Variants in SPTA1 observed in about 807,000 individuals in gnomAD.
SPTA1 encodes spectrin alpha chain, erythrocytic 1.
A neutral mutation model predicts 324.7 loss-of-function variants in SPTA1; 177 were observed. The observed-to-expected ratio is 0.55, with a 90% CI of 0.48 to 0.62. The LOEUF is 0.62. SPTA1 is among the 20% of genes least tolerant of loss of function. The pLI is 0.00. For synonymous variants in SPTA1, 1,195 were observed against 1,041.3 expected (o/e 1.15, Z -2.84); for missense variants, 3,162 against 2,883.6 (o/e 1.10, Z -2.21).
intron 1 of SPTA1, among the ~76,000 whole-genome samples, chr1:158,686,011 T>C (rs1450692207): frequency 2.0e-5 from 3 of 152,206 alleles, no homozygotes; most frequent in African/African-American, 7.2e-5. Flanking sequence ...TTTCCCAGAG[T>C]GGGAGCCAAC....
Position 158,662,807 on chromosome 1 carries a change from T to C in SPTA1, c.2359A>G (p.Lys787Glu), listed in dbSNP as rs375728433. 5 of 1,613,916 alleles carry C rather than the reference T, an allele frequency of 3.1e-6. No homozygotes were observed. In the African/African-American group the frequency reaches 5.3e-5, roughly 17 times the overall value. Residue 787 changes from lysine (K) to glutamate (E), a missense_variant, in exon 17 of 52, where the codon AAG becomes GAG. Physicochemically the swap from Lys to Glu is moderately conservative, Grantham distance 56 (BLOSUM62 1). Coordinates refer to ENST00000643759, the MANE Select transcript of SPTA1 (RefSeq NM_003126.4). Reference sequence around the variant, plus strand: ...AGATGGAGAAGGTCTAAGAGCTTCTTCTTTCGGGTGGCCAGTGGCTCTTTC... The same window carrying C: ...AGATGGAGAAGGTCTAAGAGCTTCTCCTTTCGGGTGGCCAGTGGCTCTTTC... ...ALKEPLATRK[K>E]KLLDLLHLQL...
chr1:158,643,544 G>T (rs951059641), intron 30 of SPTA1, 119 bp from the exon 31 acceptor site: 6 of 980,414 alleles, frequency 6.1e-6, no homozygotes, highest in Admixed American at 2.0e-5. Context: ...ATATACTCAG[G>T]GTCAAATAAT....
At position 158,652,514 on chromosome 1, in the gene SPTA1, G is replaced by A. The variant is rs763708770; in HGVS notation, c.3328C>T (p.Leu1110=). Reference sequence around the variant, plus strand: ...TTCTGCAGCTCCCAAACATCATCTAGTTCCACTCCAGTGTTTTCTGCCTTT... The same window carrying A: ...TTCTGCAGCTCCCAAACATCATCTAATTCCACTCCAGTGTTTTCTGCCTTT... The part of the protein sequence containing the change: ...EKKAENTGVE[L]DDVWELQKKF... Residue 1110 remains leucine, a synonymous_variant, in exon 23 of 52, where the codon CTA becomes TTA. Coordinates refer to ENST00000643759, the MANE Select transcript of SPTA1 (RefSeq NM_003126.4). 16 of 1,614,000 alleles carry A rather than the reference G, an allele frequency of 9.9e-6. No homozygotes were observed. The highest frequency in any genetic ancestry group is 2.2e-5 in the South Asian group (2 of 91,084).
Position 158,645,331 on chromosome 1 carries a change from A to G in SPTA1, c.4051T>C (p.Phe1351Leu). 2 of 1,614,042 alleles carry G rather than the reference A, an allele frequency of 1.2e-6. No homozygotes were observed. The change falls in exon 29 of 52, where the codon TTC (phenylalanine) becomes CTC (leucine). Residue 1351 changes from phenylalanine (F) to leucine (L), a missense_variant. Coordinates refer to ENST00000643759, the MANE Select transcript of SPTA1 (RefSeq NM_003126.4). ...EAPTFQALED[F>L]SAELIDSGHH... Reference sequence around the variant, plus strand: ...CCACTGTCGATAAGTTCTGCACTGAAGTCCTCTAAGGCCTGGAAGGTGGGA... The same window carrying G: ...CCACTGTCGATAAGTTCTGCACTGAGGTCCTCTAAGGCCTGGAAGGTGGGA...
At chr1:158,681,730 A>C in intron 3 of SPTA1, 63 bp from the exon 4 acceptor site, 1 of 1,607,922 alleles carries the variant, frequency 6.2e-7, no homozygotes, top group Non-Finnish European at 8.5e-7. Flanking sequence ...ACACTCAGAG[A>C]CTTGTGCAGA....
intron 45 of SPTA1, 41 bp downstream of exon 45, chr1:158,619,181 G>T (rs1444796652): frequency 6.4e-7 from 1 of 1,555,070 alleles, no homozygotes; most frequent in Non-Finnish European, 8.9e-7. Flanking sequence ...GGCAAATGGT[G>T]GTGGCACAGG....
chr1:158,672,124 A>C lies in SPTA1; in HGVS notation c.1423T>G (p.Cys475Gly). The C allele has an allele frequency of 6.2e-7, 1 of 1,614,112 alleles. No individual in the cohort carries two copies. The highest frequency in any genetic ancestry group is 8.5e-7 in the Non-Finnish European group (1 of 1,179,986). ...CTGTAGAAGAGATGAAAGTCCAAGCACTGCTCATACTGACGATGACGCTCG... is the reference window on the plus strand; with the variant it reads ...CTGTAGAAGAGATGAAAGTCCAAGCCCTGCTCATACTGACGATGACGCTCG... ...WDERHRQYEQ[C>G]LDFHLFYRDS... The change falls in exon 11 of 52, where the codon TGC becomes GGC. Residue 475 changes from cysteine (C) to glycine (G), a missense_variant. By Grantham distance (159) the Cys-to-Gly change is radical. Transcript: ENST00000643759.
At chr1:158,653,244 C>T in intron 22 of SPTA1, 30 bp downstream of exon 22, 4 of 1,613,970 alleles carry the variant, frequency 2.5e-6, no homozygotes, top group Non-Finnish European at 3.4e-6. Context: ...TGACCAAATA[C>T]TGTTCAGTTC....
At chr1:158,673,157 A>G (rs1405978269) in intron 10 of SPTA1, among the ~76,000 whole-genome samples, 3 of 152,092 alleles carry the variant, frequency 2.0e-5, no homozygotes, top group African/African-American at 7.2e-5. Flanking sequence ...TCAGAATCCC[A>G]GGATAACTGT....
In SPTA1 at chr1:158,610,998, C is replaced by A; in HGVS notation, c.*266G>T. The A allele has an allele frequency of 1.0e-5, 4 of 384,530 alleles. No homozygotes were observed. Among genetic ancestry groups the A allele is most frequent in the Non-Finnish European group, 1.4e-5 (3 of 208,530 alleles). The allele number at this position is 384,530 out of a possible 1,614,324, so 23.8% of individuals were successfully genotyped here. A position where few individuals can be genotyped will look rare whatever the true frequency, so the allele number is the denominator to read the frequency against. The stretch of plus-strand genomic sequence containing the variant: ...AAAACAGAACAAATAAAAATAGAAA[C>A]TTTGACACCCCTCAGCAGTGACTAG... On this transcript the variant is annotated 3_prime_UTR_variant, in exon 52 of 52. Coordinates refer to ENST00000643759, the MANE Select transcript of SPTA1 (RefSeq NM_003126.4).
chr1:158,685,006 T>C (rs1035043604), intron 2 of SPTA1, 102 bp downstream of exon 2: 2 of 1,384,996 alleles, frequency 1.4e-6, no homozygotes, highest in Admixed American at 1.7e-5. Flanking sequence ...CGGAATCTAA[T>C]TGTACCCACA....
In SPTA1 at chr1:158,634,685, G is replaced by C. The variant is rs1450802716; in HGVS notation, c.5433-10C>G. The C allele has an allele frequency of 6.2e-7, 1 of 1,613,924 alleles. No homozygotes were observed. The highest frequency in any genetic ancestry group is 2.2e-5 in the East Asian group (1 of 44,850). ...TTCCAACTTAAGTCCTCTATAACAA[G>C]GTGGCAAGCCCCAGTGAGGATAAGA... On this transcript the variant is annotated splice_polypyrimidine_tract_variant and intron_variant, in intron 38 of 51. Coordinates refer to ENST00000643759, the MANE Select transcript of SPTA1 (RefSeq NM_003126.4).
At chr1:158,676,725 T>C (rs1179528785) in intron 7 of SPTA1, among the ~76,000 whole-genome samples, 1 of 152,130 alleles carries the variant, frequency 6.6e-6, no homozygotes, top group Middle Eastern at 3.2e-3. Flanking sequence ...GACATTTCTG[T>C]CCACAAGGCC....
In SPTA1 at chr1:158,611,166, C is replaced by T. The variant is rs568682203; in HGVS notation, c.*98G>A. The T allele has an allele frequency of 6.1e-5, 84 of 1,387,598 alleles. No homozygotes were observed. The Middle Eastern group carries it at 1.1e-3, about 19-fold the overall frequency. The allele number at this position is 1,387,598 out of a possible 1,614,324, so 86.0% of individuals were successfully genotyped here. On this transcript the variant is annotated 3_prime_UTR_variant, in exon 52 of 52. Coordinates refer to ENST00000643759, the MANE Select transcript of SPTA1 (RefSeq NM_003126.4). ...ACACACACACACACACACACACACA[C>T]GAGGCCATCTTTATCTTCCACATTT...
At chr1:158,679,077 T>C (rs1654607615) in intron 5 of SPTA1, among the ~76,000 whole-genome samples, 1 of 152,134 alleles carries the variant, frequency 6.6e-6, no homozygotes, top group African/African-American at 2.4e-5. Flanking sequence ...CTGTGAATAC[T>C]AGATTAAGCT....
intron 21 of SPTA1, 84 bp downstream of exon 21, chr1:158,654,527 T>C (rs1050773340): frequency 2.8e-5 from 44 of 1,568,630 alleles, no homozygotes; most frequent in Non-Finnish European, 3.5e-5. Flanking sequence ...TGTTAGATGG[T>C]AAAAATATGA....
intron 29 of SPTA1, among the ~76,000 whole-genome samples, chr1:158,644,648 T>C (rs1160391163): frequency 6.6e-6 from 1 of 152,224 alleles, no homozygotes; most frequent in Non-Finnish European, 1.5e-5. Flanking sequence ...TTGTTAATAC[T>C]GGCTGGTCAT....
rs778259526 is a variant in SPTA1, at chr1:158,676,090, A to G, written c.1112+51T>C. 5.0e-6 allele frequency: 8 copies of G among 1,610,630 alleles called. No homozygotes were observed. In the South Asian group the frequency reaches 8.8e-5, roughly 18 times the overall value. On this transcript the variant is annotated intron_variant, in intron 8 of 51. Transcript: ENST00000643759. Reference sequence around the variant, plus strand: ...CTCTTATTTCTTCTCTCGCTATTATATCTGGGCCCTGTAGAGATAGGTAGA... The same window carrying G: ...CTCTTATTTCTTCTCTCGCTATTATGTCTGGGCCCTGTAGAGATAGGTAGA...
chr1:158,672,008 T>A (rs754558148), intron 11 of SPTA1, 51 bp downstream of exon 11: 2 of 1,610,752 alleles, frequency 1.2e-6, no homozygotes, highest in South Asian at 1.1e-5. Flanking sequence ...TGGTGGCAAA[T>A]GAAGGGTGAG....
Sources: gnomAD v4.1 joint callset for allele counts (sites outside exome capture counted in the v4.1 genomes callset) on GRCh38, gnomAD v4.1.1 for gene constraint, MANE v1.5 for transcripts, NCBI Gene and HGNC (gene_info 2026-07-23, HGNC 2026-07-21) for gene names.